SLC22A25: variants seen among roughly 807,000 people sequenced by gnomAD.
The protein encoded by SLC22A25 is MGI:2442751, MGI:2385316, MGI:3042283, MGI:3645714, MGI:3605624, MGI:2442750.
Under a neutral mutation model 45.9 loss-of-function variants are expected in SLC22A25, and 44 were observed. That is an observed-to-expected ratio of 0.96 (90% CI 0.75 to 1.23). SLC22A25 has a LOEUF of 1.23. Among genes scored for constraint, SLC22A25 ranks in the 50% most tolerant of loss-of-function variants. SLC22A25 has a pLI of 0.00. For missense variants in SLC22A25, 800 were observed against 666.4 expected (o/e 1.20, Z -2.21); for synonymous variants, 283 against 238.6 (o/e 1.19, Z -1.72).
Position 63,217,491 on chromosome 11 carries a change from A to G in SLC22A25, c.662-9T>C. 1 of 1,612,984 alleles carries G rather than the reference A, an allele frequency of 6.2e-7. No individual in the cohort carries two copies. Among genetic ancestry groups the G allele is most frequent in the East Asian group, 2.2e-5 (1 of 44,832 alleles). On this transcript the variant is annotated splice_polypyrimidine_tract_variant and intron_variant, in intron 6 of 11. Transcript: ENST00000306494. ...AGTTATCCACTCTACAACTGAAAGA[A>G]AACACAAACAAGATTTAGCTTTAAA...
intron 7 of SLC22A25, among the ~76,000 whole-genome samples, chr11:63,193,990 C>T (rs967980082): frequency 6.6e-6 from 1 of 152,108 alleles, no homozygotes; most frequent in Non-Finnish European, 1.5e-5. Context: ...GAGCTGAAAA[C>T]CATGGCATGA....
Position 63,180,758 on chromosome 11 carries a change from C to A in SLC22A25, c.972G>T (p.Met324Ile), listed in dbSNP as rs770061534. The A allele has an allele frequency of 3.2e-5, 51 of 1,612,722 alleles. No homozygotes were observed. The highest frequency in any genetic ancestry group is 4.2e-5 in the Non-Finnish European group (50 of 1,179,370). Residue 324 changes from methionine (M) to isoleucine (I), a missense_variant, in exon 9 of 12, where the codon ATG (methionine) becomes ATT (isoleucine). Coordinates refer to ENST00000306494, the MANE Select transcript of SLC22A25 (RefSeq NM_199352.6). Reference protein sequence around the residue: ...ILTMEVLKSTMKQELEAAQKK... With the variant: ...ILTMEVLKSTIKQELEAAQKK... ...TCTGTGCTGCCTCCAGTTCTTGCTT[C>A]ATGGTGGATTTCAAAACCTTCAACA...
chr11:63,235,345 T>C (rs1171288796), intron 3 of SLC22A25, among the ~76,000 whole-genome samples: 2 of 152,200 alleles, frequency 1.3e-5, no homozygotes, highest in Non-Finnish European at 2.9e-5. Context: ...GTTCATTTGT[T>C]TTTATTCTTT....
intron 9 of SLC22A25, among the ~76,000 whole-genome samples, chr11:63,174,952 A>G (rs188429855): frequency 3.9e-5 from 6 of 152,214 alleles, no homozygotes; most frequent in African/African-American, 1.4e-4. Context: ...AACATGTTGG[A>G]TATGACATTT....
intron 9 of SLC22A25, among the ~76,000 whole-genome samples, chr11:63,169,454 A>G (rs935640433): frequency 1.3e-5 from 2 of 152,208 alleles, no homozygotes; most frequent in African/African-American, 2.4e-5. Context: ...TAGGTTCAAA[A>G]TAAAGGGATA....
Position 63,163,882 on chromosome 11 carries a change from T to A in SLC22A25, c.1586A>T (p.Asp529Val), listed in dbSNP as rs200665787. The A allele has an allele frequency of 1.2e-6, 2 of 1,613,902 alleles. No individual in the cohort carries two copies. The highest frequency in any genetic ancestry group is 2.2e-5 in the East Asian group (1 of 44,850). The part of the protein sequence containing the change: ...RNQPLLDSIQ[D>V]VENEGVNSLA... ...GCTATTTACTCCCTCATTTTCCACATCCTGGATGCTGTCAAGAAGAGGCTG... is the reference window on the plus strand; with the variant it reads ...GCTATTTACTCCCTCATTTTCCACAACCTGGATGCTGTCAAGAAGAGGCTG... Residue 529 changes from aspartate to valine, a missense_variant, in exon 12 of 12, where the codon GAT (aspartate) becomes GTT (valine). Coordinates refer to ENST00000306494, the MANE Select transcript of SLC22A25 (RefSeq NM_199352.6).
At chr11:63,187,554 T>C (rs2088609479) in intron 7 of SLC22A25, among the ~76,000 whole-genome samples, 1 of 152,226 alleles carries the variant, frequency 6.6e-6, no homozygotes. Context: ...CCTGCCTGAT[T>C]GCCCTGGCCA....
At chr11:63,198,460 T>A (rs963928866) in intron 7 of SLC22A25, among the ~76,000 whole-genome samples, 8 of 152,132 alleles carry the variant, frequency 5.3e-5, no homozygotes, top group African/African-American at 1.9e-4. Context: ...CTGAGCAAAC[T>A]GTTACAAGGA....
chr11:63,214,030 T>C (rs2089647380), intron 7 of SLC22A25, among the ~76,000 whole-genome samples: 1 of 152,166 alleles, frequency 6.6e-6, no homozygotes, highest in African/African-American at 2.4e-5. Flanking sequence ...GATAATGGCT[T>C]AGCTGTCATG....
At chr11:63,188,071 G>T (rs966625862) in intron 7 of SLC22A25, among the ~76,000 whole-genome samples, 2 of 152,180 alleles carry the variant, frequency 1.3e-5, no homozygotes, top group African/African-American at 2.4e-5. Flanking sequence ...AAAGGAGTTA[G>T]GGAGGATTCC....
At chr11:63,198,025 A>G (rs1361136821) in intron 7 of SLC22A25, among the ~76,000 whole-genome samples, 1 of 152,240 alleles carries the variant, frequency 6.6e-6, no homozygotes, top group Non-Finnish European at 1.5e-5. Context: ...CCACAATGAG[A>G]TACCATCTCA....
At chr11:63,198,098 A>G (rs564082644) in intron 7 of SLC22A25, among the ~76,000 whole-genome samples, 1 of 152,366 alleles carries the variant, frequency 6.6e-6, no homozygotes, top group African/African-American at 2.4e-5. Context: ...GAATGTGGAG[A>G]AATAGGAACA....
chr11:63,188,911 C>T (rs549694718), intron 7 of SLC22A25, among the ~76,000 whole-genome samples: 1 of 152,174 alleles, frequency 6.6e-6, no homozygotes, highest in East Asian at 1.9e-4. Context: ...GTCTGAGAGA[C>T]AGTTTGTTAT....
Position 63,166,536 on chromosome 11 carries a change from A to G in SLC22A25, c.1071-278T>C, listed in dbSNP as rs140011592. The G allele has an allele frequency of 5.0e-4, 567 of 1,135,132 alleles. 15 individuals carry two copies. In the African/African-American group the frequency reaches 6.0e-3, roughly 12 times the overall value. The allele number at this position is 1,135,132 out of a possible 1,614,324, so 70.3% of individuals were successfully genotyped here. A position where few individuals can be genotyped will look rare whatever the true frequency, so the allele number is the denominator to read the frequency against. ...TTTAAAAGCAATGGATTTTATTAGT[A>G]TTCTAAAACCAATGTAGCCACATGG... On this transcript the variant is annotated intron_variant, in intron 9 of 11. Transcript: ENST00000306494.
At chr11:63,189,184 C>G (rs1025497235) in intron 7 of SLC22A25, among the ~76,000 whole-genome samples, 65 of 152,112 alleles carry the variant, frequency 4.3e-4, no homozygotes, top group African/African-American at 1.4e-3. Context: ...GAGCCTAAGT[C>G]TCTTCCTAGG....
At chr11:63,228,205 T>C (rs2089999805) in intron 5 of SLC22A25, among the ~76,000 whole-genome samples, 1 of 152,240 alleles carries the variant, frequency 6.6e-6, no homozygotes, top group Non-Finnish European at 1.5e-5. Flanking sequence ...CTGCCTCCCC[T>C]GGGATTTATC....
chr11:63,165,947 C>A (rs1454834369), intron 10 of SLC22A25, 97 bp downstream of exon 10: 6 of 1,409,582 alleles, frequency 4.3e-6, no homozygotes, highest in Non-Finnish European at 5.8e-6. Context: ...GAACTCAATT[C>A]TCCCTTTCCT....
intron 9 of SLC22A25, among the ~76,000 whole-genome samples, chr11:63,177,902 G>GTA (rs1215441714): frequency 2.4e-5 from 3 of 125,280 alleles, no homozygotes; most frequent in Non-Finnish European, 3.3e-5. Context: ...TATATATAAT[G>GTA]TATATCCCAT....
intron 8 of SLC22A25, 72 bp from the exon 9 acceptor site, chr11:63,180,847 A>T: frequency 1.2e-5 from 13 of 1,042,192 alleles, no homozygotes; most frequent in African/African-American, 1.6e-5. Context: ...GGACTTGTCA[A>T]CCAACAGATG....
Sources: gnomAD v4.1 joint callset for allele counts (sites outside exome capture counted in the v4.1 genomes callset) on GRCh38, gnomAD v4.1.1 for gene constraint, MANE v1.5 for transcripts, NCBI Gene and HGNC (gene_info 2026-07-23, HGNC 2026-07-21) for gene names.